The following PCYT1A variants were observed in gnomAD, a reference collection of about 807,000 sequenced individuals.
The protein encoded by PCYT1A is choline-phosphate cytidylyltransferase A.
A neutral mutation model predicts 43.7 loss-of-function variants in PCYT1A; 25 were observed. The observed-to-expected ratio is 0.57, with a 90% CI of 0.42 to 0.80. PCYT1A has a LOEUF of 0.80. Among genes scored for constraint, PCYT1A ranks in the 30% least tolerant of loss-of-function variants. PCYT1A has a pLI of 0.00. For missense variants in PCYT1A, 421 were observed against 474.2 expected, an observed-to-expected ratio of 0.89 and a Z score of 1.04; for synonymous variants, 172 against 170.7, an observed-to-expected ratio of 1.01 and a Z score of -0.06.
At chr3:196,265,352 C>T (rs67833811) in intron 2 of PCYT1A, among the ~76,000 whole-genome samples, 13,193 of 152,184 alleles carry the variant, frequency 0.087, 758 homozygotes, top group African/African-American at 0.14. Context: ...AGGCGTGAGC[C>T]ACTTGCGCCC....
chr3:196,238,745 TGCTGGGGAGCAA>T lies in PCYT1A; in HGVS notation c.1035_1046del (p.Cys346_Ala349del). Reference sequence around the variant, plus strand: ...CTGCAGCCTTGTGCCTGGAGAGATTTGCTGGGGAGCAAGGTGGGGAAGTCTTGCCGGAGAAGG... The same window carrying T: ...CTGCAGCCTTGTGCCTGGAGAGATTTGGTGGGGAAGTCTTGCCGGAGAAGG... On this transcript the variant is annotated inframe_deletion, in exon 9 of 9. Coordinates refer to ENST00000431016, the MANE Select transcript of PCYT1A (RefSeq NM_001312673.2). 1 of 1,591,936 alleles carries T rather than the reference TGCTGGGGAGCAA, an allele frequency of 6.3e-7. No homozygotes were observed. The highest frequency in any genetic ancestry group is 8.5e-7 in the Non-Finnish European group (1 of 1,170,122).
At position 196,247,599 on chromosome 3, in the gene PCYT1A, C is replaced by T. The variant is rs1167194139; in HGVS notation, c.335-81G>A. 7.4e-7 allele frequency: 1 copy of T among 1,350,620 alleles called. No individual in the cohort carries two copies. The highest frequency in any genetic ancestry group is 1.1e-6 in the Non-Finnish European group (1 of 943,010). 83.7% of individuals were successfully genotyped at this position (1,350,620 alleles called of 1,614,324 possible). On this transcript the variant is annotated intron_variant, in intron 4 of 8. Transcript: ENST00000431016. This position sits in a 1 kb window ranked among gnomAD's most constrained non-coding sequence, Gnocchi z 4.8. The stretch of plus-strand genomic sequence containing the variant: ...CAGCCACCGACCTCTCCCATCTTCT[C>T]CCACTGCTTAGGACTGCAACCATCT...
rs1212274641 is a variant in PCYT1A at position 196,238,123 on chromosome 3, T to C, written c.*565A>G. On this transcript the variant is annotated 3_prime_UTR_variant, in exon 9 of 9. Transcript: ENST00000431016. ...CAATGACACTGGTGACAGCAGTACG[T>C]TCAGGGGATTTGTGACTGTAACTCT... 1 of 152,372 alleles carries C rather than the reference T, an allele frequency of 6.6e-6. No homozygotes were observed. Among genetic ancestry groups the C allele is most frequent in the Admixed American group, 6.5e-5 (1 of 15,280 alleles). 9.4% of individuals were successfully genotyped at this position (152,372 alleles called of 1,614,324 possible).
rs999235729 is a variant in PCYT1A at position 196,242,068 on chromosome 3, C to T, written c.588G>A (p.Arg196=). ...TGTCTGATGTGGAGATACCTTCTGT[C>T]CTCTGTGTTGGAGCAAACATGCCTA... ...KEAGMFAPTQ[R]TEGISTSDII... Residue 196 remains arginine (R), a synonymous_variant, in exon 7 of 9, where the codon AGG becomes AGA. Coordinates refer to ENST00000431016, the MANE Select transcript of PCYT1A (RefSeq NM_001312673.2). The surrounding 1 kb of genome is among the most constrained non-coding windows in gnomAD (Gnocchi z 4.2). 40 of 1,613,962 alleles carry T rather than the reference C, an allele frequency of 2.5e-5. No homozygotes were observed. Among genetic ancestry groups the T allele is most frequent in the Non-Finnish European group, 3.2e-5 (38 of 1,180,046 alleles).
At chr3:196,245,211 G>A (rs1162854360) in intron 5 of PCYT1A, among the ~76,000 whole-genome samples, 4 of 149,740 alleles carry the variant, frequency 2.7e-5, no homozygotes, top group South Asian at 2.1e-4. Context: ...GCACAGTCTC[G>A]GCTCACTGAA....
Position 196,247,758 on chromosome 3 carries a change from G to A in PCYT1A, c.335-240C>T, listed in dbSNP as rs1724616533. The A allele has an allele frequency of 1.5e-6, 1 of 653,464 alleles. No individual in the cohort carries two copies. Among genetic ancestry groups the A allele is most frequent in the South Asian group, 1.5e-5 (1 of 64,692 alleles). The allele number at this position is 653,464 out of a possible 1,614,324, so 40.5% of individuals were successfully genotyped here. A position where few individuals can be genotyped will look rare whatever the true frequency, so the allele number is the denominator to read the frequency against. ...ACTTTGGAGAAGGGACAGTACAACA[G>A]GTGACCAAGATCTTTGACTCTGAAA... On this transcript the variant is annotated intron_variant, in intron 4 of 8. Coordinates refer to ENST00000431016, the MANE Select transcript of PCYT1A (RefSeq NM_001312673.2). The surrounding 1 kb of genome is among the most constrained non-coding windows in gnomAD (Gnocchi z 4.8).
intron 2 of PCYT1A, among the ~76,000 whole-genome samples, chr3:196,259,164 T>C (rs1278511307): frequency 1.3e-5 from 2 of 152,284 alleles, no homozygotes; most frequent in East Asian, 3.9e-4. Context: ...ACTACAGGCA[T>C]GCACCACCAC....
rs59957093 is a variant in PCYT1A, at chr3:196,271,190, A to ATT, written c.-10-651_-10-650dup. ...CAGGCACATGCCACCACACCTAGTT[A>ATT]TTTTTTTTTTTAAGAGACAGGCCTC... On this transcript the variant is annotated intron_variant, in intron 1 of 8. Transcript: ENST00000431016. Among the ~76,000 whole-genome samples the ATT allele has an allele frequency of 9.5e-3, 1,402 of 148,176 alleles. 23 individuals carry two copies. The highest frequency in any genetic ancestry group is 0.032 in the African/African-American group (1,308 of 40,522).
At chr3:196,271,669 G>A (rs554040031) in intron 1 of PCYT1A, among the ~76,000 whole-genome samples, 3 of 116,578 alleles carry the variant, frequency 2.6e-5, no homozygotes, top group South Asian at 3.2e-4. Flanking sequence ...GCACGATCTC[G>A]GCTCTCACAG....
At chr3:196,244,314 A>T (rs1430668479) in intron 5 of PCYT1A, among the ~76,000 whole-genome samples, 6 of 133,078 alleles carry the variant, frequency 4.5e-5, no homozygotes, top group Admixed American at 7.8e-5. Context: ...CCAGTCTGGG[A>T]AGTGAGGAGC....
At chr3:196,246,943 C>T (rs913408725) in intron 5 of PCYT1A, among the ~76,000 whole-genome samples, 53 of 143,598 alleles carry the variant, frequency 3.7e-4, no homozygotes, top group Non-Finnish European at 6.6e-4. Flanking sequence ...TAACTTGTGG[C>T]GAGTTCAGTT....
At chr3:196,260,057 G>T (rs1725063875) in intron 2 of PCYT1A, among the ~76,000 whole-genome samples, 1 of 150,954 alleles carries the variant, frequency 6.6e-6, no homozygotes, top group Admixed American at 6.6e-5. Context: ...CAACTAGCTG[G>T]GATTGCAGGC....
At chr3:196,280,544 T>C (rs956514288) in intron 1 of PCYT1A, among the ~76,000 whole-genome samples, 3 of 151,716 alleles carry the variant, frequency 2.0e-5, no homozygotes, top group African/African-American at 7.3e-5. Flanking sequence ...TGTACTGTTT[T>C]TTATTGTTGT....
At position 196,242,201 on chromosome 3, in the gene PCYT1A, T is replaced by A. The variant is rs1487537529; in HGVS notation, c.566-111A>T. 2 of 1,084,096 alleles carry A rather than the reference T, an allele frequency of 1.8e-6. No homozygotes were observed. The highest frequency in any genetic ancestry group is 3.1e-5 in the African/African-American group (2 of 64,744). 67.2% of individuals were successfully genotyped at this position (1,084,096 alleles called of 1,614,324 possible). On this transcript the variant is annotated intron_variant, in intron 6 of 8. Coordinates refer to ENST00000431016, the MANE Select transcript of PCYT1A (RefSeq NM_001312673.2). This position sits in a 1 kb window ranked among gnomAD's most constrained non-coding sequence, Gnocchi z 4.2. ...CCTTTCCTTTCCTCAAAAAGCAGAA[T>A]CTGTTATTACTAAATGAAACTGAAA...
chr3:196,247,621 A>G lies in PCYT1A; in HGVS notation c.335-103T>C. The G allele has an allele frequency of 1.7e-6, 2 of 1,144,384 alleles. No homozygotes were observed. Among genetic ancestry groups the G allele is most frequent in the Non-Finnish European group, 2.6e-6 (2 of 761,890 alleles). The allele number at this position is 1,144,384 out of a possible 1,614,324, so 70.9% of individuals were successfully genotyped here. ...TCTCCCACTGCTTAGGACTGCAACC[A>G]TCTTCCCCAACTGGAAAAAAGTCTT... On this transcript the variant is annotated intron_variant, in intron 4 of 8. Coordinates refer to ENST00000431016, the MANE Select transcript of PCYT1A (RefSeq NM_001312673.2). The surrounding 1 kb of genome is among the most constrained non-coding windows in gnomAD (Gnocchi z 4.8).
intron 5 of PCYT1A, among the ~76,000 whole-genome samples, chr3:196,243,867 G>A (rs1031023972): frequency 4.6e-5 from 7 of 152,372 alleles, no homozygotes; most frequent in African/African-American, 1.2e-4. Context: ...GTGCAGTGGC[G>A]TGATCTCGGC....
At chr3:196,280,570 G>GTT in intron 1 of PCYT1A, among the ~76,000 whole-genome samples, 14,539 of 91,178 alleles carry the variant, frequency 0.16, 1,695 homozygotes, top group African/African-American at 0.23. Flanking sequence ...TATTTTTATT[G>GTT]TTTTTTTTTT....
At chr3:196,278,980 CAAAAAAAAAAAA>C (rs148985648) in intron 1 of PCYT1A, among the ~76,000 whole-genome samples, 1 of 51,624 alleles carries the variant, frequency 1.9e-5, no homozygotes, top group African/African-American at 8.0e-5. Flanking sequence ...GACCTCATCT[CAAAAAAAAAAAA>C]AAAAAAAAAG....
Position 196,248,223 on chromosome 3 carries a change from C to T in PCYT1A, c.318G>A (p.Thr106=), listed in dbSNP as rs370000604. 3.0e-5 allele frequency: 48 copies of T among 1,595,506 alleles called. No homozygotes were observed. Among genetic ancestry groups the T allele is most frequent in the Non-Finnish European group, 3.8e-5 (44 of 1,163,126 alleles). ...TTTTCTTACCTCCCACAATGAGGTA[C>T]GTATTAGGGAAAAGGTTCTTCGCTT... ...LMQAKNLFPN[T]YLIVGVCSDE... The change falls in exon 4 of 9, where the codon ACG becomes ACA. Residue 106 remains threonine, a synonymous_variant. Coordinates refer to ENST00000431016, the MANE Select transcript of PCYT1A (RefSeq NM_001312673.2).
Sources: gnomAD v4.1 joint callset for allele counts (sites outside exome capture counted in the v4.1 genomes callset) on GRCh38, gnomAD v4.1.1 for gene constraint, Gnocchi (gnomAD v3.1) non-coding constraint, MANE v1.5 for transcripts, NCBI Gene and HGNC (gene_info 2026-07-23, HGNC 2026-07-21) for gene names.